ANKRD30BL: variants seen among roughly 807,000 people sequenced by gnomAD.
The protein encoded by ANKRD30BL is putative ankyrin repeat domain-containing protein 30B-like.
Under a neutral mutation model 18.4 loss-of-function variants are expected in ANKRD30BL, and 20 were observed. That is an observed-to-expected ratio of 1.09 (90% CI 0.77 to 1.58). ANKRD30BL has a LOEUF of 1.58. ANKRD30BL is among the 40% of genes most tolerant of loss of function. The pLI, the probability that ANKRD30BL is intolerant of heterozygous loss-of-function variation, is 0.00. For missense variants in ANKRD30BL, 224 were observed against 268.6 expected, an observed-to-expected ratio of 0.83 and a Z score of 1.16; for synonymous variants, 72 against 100.9, an observed-to-expected ratio of 0.71 and a Z score of 1.72.
At chr2:132,172,672 C>A (rs1688301929) in intron 1 of ANKRD30BL, among the ~76,000 whole-genome samples, 1 of 151,118 alleles carries the variant, frequency 6.6e-6, no homozygotes, top group African/African-American at 2.4e-5. Flanking sequence ...GCAGACATCT[C>A]CCATTCTTTG....
At position 132,167,329 on chromosome 2, in the gene ANKRD30BL, TATTTTATTTTATTTTG is replaced by T. The variant is rs1445732817; in HGVS notation, n.442-10199_442-10184del. 2.8e-4 allele frequency among the ~76,000 whole-genome samples: 41 copies of T among 147,056 alleles called. 1 individual carries two copies. The highest frequency in any genetic ancestry group is 1.0e-3 in the African/African-American group (40 of 38,410). ...TATTTTATTTTATTTTATTTTATTTTATTTTATTTTATTTTGAGATAGAGCCTCACTCTGTCACACA... is the reference window on the plus strand; with the variant it reads ...TATTTTATTTTATTTTATTTTATTTTAGATAGAGCCTCACTCTGTCACACA... On this transcript the variant is annotated intron_variant and non_coding_transcript_variant, in intron 1 of 4. Coordinates refer to the ANKRD30BL transcript ENST00000470729.
At chr2:132,161,344 G>C (rs916075319) in intron 1 of ANKRD30BL, 144 bp downstream of exon 1, 9 of 806,518 alleles carry the variant, frequency 1.1e-5, no homozygotes, top group South Asian at 1.1e-4. Context: ...CCAAGACCTC[G>C]GGGCCCAGGA....
In ANKRD30BL at chr2:132,216,793, G is replaced by A. The variant is rs999422747; in HGVS notation, n.441+40736C>T. Among the ~76,000 whole-genome samples, 178 of 152,258 alleles carry A rather than the reference G, an allele frequency of 1.2e-3. 2 individuals carry two copies. The highest frequency in any genetic ancestry group is 4.0e-3 in the African/African-American group (167 of 41,570). ...GAGAAGCATTCTCAGAAACTTCTTT[G>A]TGATGTGTACATTCAACTCACAGAG... On this transcript the variant is annotated intron_variant and non_coding_transcript_variant, in intron 1 of 4. Coordinates refer to the ANKRD30BL transcript ENST00000470729.
At chr2:132,198,288 C>G (rs1426856195) in intron 1 of ANKRD30BL, among the ~76,000 whole-genome samples, 11 of 9,738 alleles carry the variant, frequency 1.1e-3, no homozygotes, top group African/African-American at 2.4e-3. Context: ...TTCTTTCTTT[C>G]TTTCTTTCTT....
intron 1 of ANKRD30BL, among the ~76,000 whole-genome samples, chr2:132,178,851 G>A (rs1688408385): frequency 1.3e-5 from 2 of 151,812 alleles, no homozygotes; most frequent in African/African-American, 4.8e-5. Context: ...GAAAATTGAT[G>A]GGAATCAGTG....
intron 1 of ANKRD30BL, among the ~76,000 whole-genome samples, chr2:132,220,344 C>A (rs1393499819): frequency 4.9e-5 from 5 of 102,718 alleles, no homozygotes; most frequent in African/African-American, 2.7e-4. Context: ...CCCTCTCCCT[C>A]TCCCTGTCCC....
intron 1 of ANKRD30BL, among the ~76,000 whole-genome samples, chr2:132,226,015 A>T (rs1319090274): frequency 6.6e-6 from 1 of 152,100 alleles, no homozygotes; most frequent in East Asian, 1.9e-4. Flanking sequence ...GTATCTTCAC[A>T]TAAAAACTAG....
Position 132,154,514 on chromosome 2 carries a change from C to T in ANKRD30BL, c.614+148G>A, listed in dbSNP as rs915599998. ...TTGTGTTGACCAGTCCAAATAATTG[C>T]TTTTCTTCCTAACTGATAATTTGTG... On this transcript the variant is annotated intron_variant, in intron 4 of 5. Coordinates refer to ENST00000409867, the MANE Select transcript of ANKRD30BL (RefSeq NM_001358416.1). 5.7e-4 allele frequency: 279 copies of T among 487,714 alleles called. 1 individual carries two copies. The highest frequency in any genetic ancestry group is 6.8e-4 in the Non-Finnish European group (184 of 270,132). The allele number at this position is 487,714 out of a possible 1,614,324, so 30.2% of individuals were successfully genotyped here. A position where few individuals can be genotyped will look rare whatever the true frequency, so the allele number is the denominator to read the frequency against.
chr2:132,173,222 T>A (rs1464297771), intron 1 of ANKRD30BL, among the ~76,000 whole-genome samples: 1 of 152,062 alleles, frequency 6.6e-6, no homozygotes, highest in Non-Finnish European at 1.5e-5. Context: ...TTATGTAAGT[T>A]AAGGGCCCAA....
intron 1 of ANKRD30BL, among the ~76,000 whole-genome samples, chr2:132,238,806 C>T (rs796609239): frequency 6.6e-6 from 1 of 152,146 alleles, no homozygotes; most frequent in South Asian, 2.1e-4. Flanking sequence ...AAAAACTAGA[C>T]AGAAGCATTC....
intron 1 of ANKRD30BL, chr2:132,257,050 C>T (rs773259966): frequency 3.9e-6 from 2 of 515,206 alleles, no homozygotes. Flanking sequence ...CCGCAGCGAC[C>T]CGCCTAGGAT....
At chr2:132,161,405 A>G (rs901155671) in intron 1 of ANKRD30BL, 83 bp downstream of exon 1, 20 of 1,293,546 alleles carry the variant, frequency 1.5e-5, no homozygotes, top group Non-Finnish European at 2.1e-5. Context: ...CGTCCCCAGG[A>G]CCCCCAGGCC....
At chr2:132,236,021 C>G (rs1680141615) in intron 1 of ANKRD30BL, among the ~76,000 whole-genome samples, 1 of 152,100 alleles carries the variant, frequency 6.6e-6, no homozygotes, top group African/African-American at 2.4e-5. Context: ...ACAGAGCCCT[C>G]AGAAATAATG....
At chr2:132,159,565 T>A (rs957508908) in intron 1 of ANKRD30BL, among the ~76,000 whole-genome samples, 1 of 152,192 alleles carries the variant, frequency 6.6e-6, no homozygotes, top group African/African-American at 2.4e-5. Flanking sequence ...TATTTTTAGA[T>A]CTGCAATTTA....
chr2:132,173,987 A>G (rs1688324016), intron 1 of ANKRD30BL, among the ~76,000 whole-genome samples: 1 of 152,256 alleles, frequency 6.6e-6, no homozygotes, highest in Non-Finnish European at 1.5e-5. Flanking sequence ...AACAAACAAC[A>G]GCTACAATGA....
At position 132,252,729 on chromosome 2, in the gene ANKRD30BL, C is replaced by T. The variant is rs1268562589; in HGVS notation, n.441+4800G>A. Among the ~76,000 whole-genome samples the T allele has an allele frequency of 4.6e-5, 7 of 152,184 alleles. No homozygotes were observed. The East Asian group carries it at 1.4e-3, about 30-fold the overall frequency. On this transcript the variant is annotated intron_variant and non_coding_transcript_variant, in intron 1 of 4. Transcript: ENST00000470729. ...TCCTATTTGCCTTCCTCCCAACCCC[C>T]AACAAGCCCCCACCACCGACGACGT...
chr2:132,256,138 G>T lies in ANKRD30BL; in HGVS notation n.441+1391C>A, dbSNP rs556282189. Among the ~76,000 whole-genome samples, 380 of 152,364 alleles carry T rather than the reference G, an allele frequency of 2.5e-3. 1 individual carries two copies. Among genetic ancestry groups the T allele is most frequent in the African/African-American group, 7.8e-3 (325 of 41,588 alleles). On this transcript the variant is annotated intron_variant and non_coding_transcript_variant, in intron 1 of 4. Transcript: ENST00000470729. Reference sequence around the variant, plus strand: ...TTACTGTACCAGCCCTGCGTACTTAGACATGTATGGCTTAATCTTTGAGAC... The same window carrying T: ...TTACTGTACCAGCCCTGCGTACTTATACATGTATGGCTTAATCTTTGAGAC...
intron 1 of ANKRD30BL, among the ~76,000 whole-genome samples, chr2:132,254,174 A>G (rs1680753446): frequency 6.6e-6 from 1 of 151,204 alleles, no homozygotes; most frequent in African/African-American, 2.4e-5. Context: ...TCATCCCCAC[A>G]CGCATGTCTC....
At chr2:132,204,682 G>A (rs1679175679) in intron 1 of ANKRD30BL, among the ~76,000 whole-genome samples, 1 of 152,024 alleles carries the variant, frequency 6.6e-6, no homozygotes, top group South Asian at 2.1e-4. Flanking sequence ...ATTCAAGGTA[G>A]AAACAGCTGA....
Sources: gnomAD v4.1 joint callset for allele counts (sites outside exome capture counted in the v4.1 genomes callset) on GRCh38, gnomAD v4.1.1 for gene constraint, MANE v1.5 for transcripts, NCBI Gene and HGNC (gene_info 2026-07-23, HGNC 2026-07-21) for gene names.